The following DLG2 variants were observed in gnomAD, a reference collection of about 807,000 sequenced individuals.
DLG2 encodes discs large MAGUK scaffold protein 2.
Under a neutral mutation model 132.5 loss-of-function variants are expected in DLG2, and 45 were observed. The observed-to-expected ratio is 0.34, with a 90% CI of 0.27 to 0.44. The LOEUF is 0.44. Among genes scored for constraint, DLG2 ranks in the 20% least tolerant of loss-of-function variants. DLG2 has a pLI of 1.00. For missense variants in DLG2, 1,045 were observed against 1,196.9 expected (o/e 0.87, Z 1.87); for synonymous variants, 424 against 419.6 (o/e 1.01, Z -0.13).
chr11:84,904,004 A>G (rs1340049311), intron 6 of DLG2, among the ~76,000 whole-genome samples: 1 of 152,180 alleles, frequency 6.6e-6, no homozygotes, highest in Non-Finnish European at 1.5e-5. Context: ...GGCTTATGCA[A>G]TGTTCAACAT....
At chr11:83,689,450 C>T (rs1472659717) in intron 18 of DLG2, among the ~76,000 whole-genome samples, 4 of 152,082 alleles carry the variant, frequency 2.6e-5, no homozygotes, top group African/African-American at 4.8e-5. Flanking sequence ...TTCTTCAATG[C>T]AATGAAGGCT....
At chr11:84,425,752 A>G (rs79933437) in intron 7 of DLG2, among the ~76,000 whole-genome samples, 6,581 of 152,238 alleles carry the variant, frequency 0.043, 433 homozygotes, top group African/African-American at 0.14. Flanking sequence ...AAGAAAACAG[A>G]AAAGAGAAAG....
At chr11:84,432,705 T>G (rs1202906452) in intron 7 of DLG2, among the ~76,000 whole-genome samples, 1 of 151,880 alleles carries the variant, frequency 6.6e-6, no homozygotes, top group Non-Finnish European at 1.5e-5. Context: ...AGGGGGAGAG[T>G]AGAACTAGTG....
chr11:84,695,035 C>T (rs7121845), intron 6 of DLG2, among the ~76,000 whole-genome samples: 96,552 of 151,262 alleles, frequency 0.64, 32,485 homozygotes, highest in East Asian at 0.85. Context: ...AATGAATTTC[C>T]TTTTAATGGT....
At chr11:84,946,908 A>T (rs2050283106) in intron 6 of DLG2, among the ~76,000 whole-genome samples, 1 of 152,144 alleles carries the variant, frequency 6.6e-6, no homozygotes, top group Non-Finnish European at 1.5e-5. Context: ...GAGATGAATG[A>T]TTCCCCTCTG....
intron 6 of DLG2, among the ~76,000 whole-genome samples, chr11:84,749,726 A>T (rs891098432): frequency 3.9e-5 from 6 of 152,082 alleles, no homozygotes; most frequent in African/African-American, 1.2e-4. Flanking sequence ...TTTCTATTTT[A>T]AAAAAATATA....
chr11:85,070,441 G>A (rs1350140309), intron 6 of DLG2, among the ~76,000 whole-genome samples: 1 of 151,744 alleles, frequency 6.6e-6, no homozygotes, highest in African/African-American at 2.4e-5. Context: ...AAGAAACCGT[G>A]TGGAGAAAGA....
intron 3 of DLG2, among the ~76,000 whole-genome samples, chr11:85,513,685 C>A (rs1598151909): frequency 6.6e-6 from 1 of 152,088 alleles, no homozygotes; most frequent in East Asian, 1.9e-4. Flanking sequence ...ATCTACCCCA[C>A]CTTTCTTTAG....
At chr11:84,609,385 T>A (rs1407022231) in intron 6 of DLG2, among the ~76,000 whole-genome samples, 2 of 152,150 alleles carry the variant, frequency 1.3e-5, no homozygotes. Flanking sequence ...TAAGTGTTAT[T>A]GTTTGTTAAA....
intron 4 of DLG2, among the ~76,000 whole-genome samples, chr11:85,163,543 G>A (rs1414196238): frequency 2.0e-5 from 3 of 152,122 alleles, no homozygotes; most frequent in Non-Finnish European, 4.4e-5. Flanking sequence ...AGGTTATCTA[G>A]GCAAGTAGGA....
At chr11:84,183,901 G>A (rs1287647994) in intron 8 of DLG2, among the ~76,000 whole-genome samples, 1 of 152,138 alleles carries the variant, frequency 6.6e-6, no homozygotes, top group Non-Finnish European at 1.5e-5. Context: ...CACAGGACAT[G>A]AACTCATCCT....
Position 84,059,576 on chromosome 11 carries a change from A to G in DLG2, c.750-92T>C, listed in dbSNP as rs2096558316. 7 of 1,019,238 alleles carry G rather than the reference A, an allele frequency of 6.9e-6. No individual in the cohort carries two copies. In the South Asian group the frequency reaches 1.3e-4, roughly 19 times the overall value. The allele number at this position is 1,019,238 out of a possible 1,614,324, so 63.1% of individuals were successfully genotyped here. A position where few individuals can be genotyped will look rare whatever the true frequency, so the allele number is the denominator to read the frequency against. On this transcript the variant is annotated intron_variant, in intron 10 of 27. Transcript: ENST00000376104. Reference sequence around the variant, plus strand: ...GTTTATCTGACCTTAAGAAGTGGGAAAGTAAAGAATCTAAAAAATTTTAAA... The same window carrying G: ...GTTTATCTGACCTTAAGAAGTGGGAGAGTAAAGAATCTAAAAAATTTTAAA...
Position 84,652,278 on chromosome 11 carries a change from A to G in DLG2, c.358-117547T>C, listed in dbSNP as rs79199631. Among the ~76,000 whole-genome samples the G allele has an allele frequency of 4.2e-3, 639 of 152,216 alleles. 1 individual carries two copies. The highest frequency in any genetic ancestry group is 0.015 in the African/African-American group (612 of 41,530). ...GTGTTTCTTTTTCTCGAGTTTTGTA[A>G]TAGTCTAATGAGAAATAATAGTAGA... On this transcript the variant is annotated intron_variant, in intron 6 of 27. Coordinates refer to ENST00000376104, the MANE Select transcript of DLG2 (RefSeq NM_001142699.3).
chr11:85,222,167 C>T (rs187809556), intron 4 of DLG2, among the ~76,000 whole-genome samples: 25 of 152,088 alleles, frequency 1.6e-4, no homozygotes, highest in African/African-American at 5.3e-4. Flanking sequence ...GATTTTACCA[C>T]GTTGGCCAGG....
chr11:85,221,746 T>G (rs139589064), intron 4 of DLG2, among the ~76,000 whole-genome samples: 1 of 152,334 alleles, frequency 6.6e-6, no homozygotes, highest in African/African-American at 2.4e-5. Flanking sequence ...AGAGGAGTAG[T>G]GGTTTATCCA....
chr11:83,791,297 C>T, intron 17 of DLG2: 1 of 677,826 alleles, frequency 1.5e-6, no homozygotes, highest in Non-Finnish European at 2.6e-6. Context: ...GAGGGTTTGC[C>T]CGCCTTGCCT....
intron 16 of DLG2, among the ~76,000 whole-genome samples, chr11:83,868,074 C>A (rs112756366): frequency 1.3e-3 from 195 of 152,212 alleles, no homozygotes; most frequent in African/African-American, 4.2e-3. Flanking sequence ...AAAGGAAGCA[C>A]GTGATGCTGA....
chr11:83,749,825 C>A (rs1368392901), intron 18 of DLG2, among the ~76,000 whole-genome samples: 1 of 152,106 alleles, frequency 6.6e-6, no homozygotes, highest in Non-Finnish European at 1.5e-5. Flanking sequence ...TTTGTAAACA[C>A]TGAAGTTTTG....
chr11:84,892,493 T>A (rs1601020654), intron 6 of DLG2, among the ~76,000 whole-genome samples: 1 of 152,164 alleles, frequency 6.6e-6, no homozygotes, highest in East Asian at 1.9e-4. Flanking sequence ...GCTGGATGGA[T>A]TAATAAATAA....
Sources: gnomAD v4.1 joint callset for allele counts (sites outside exome capture counted in the v4.1 genomes callset) on GRCh38, gnomAD v4.1.1 for gene constraint, MANE v1.5 for transcripts, NCBI Gene and HGNC (gene_info 2026-07-23, HGNC 2026-07-21) for gene names.